SEMA3A: variants seen among roughly 807,000 people sequenced by gnomAD.
The protein encoded by SEMA3A is semaphorin-3A.
In SEMA3A, 29 loss-of-function variants were observed where a neutral mutation model predicts 97.9. That is an observed-to-expected ratio of 0.30 (90% confidence interval 0.22 to 0.40). The LOEUF (loss-of-function observed/expected upper bound fraction) is 0.40, where lower values mean the gene tolerates loss of function less well. Ranked by LOEUF, SEMA3A falls within the 10% of genes least tolerant of loss-of-function variation. SEMA3A has a pLI of 1.00. For synonymous variants in SEMA3A, 321 were observed against 323.7 expected (o/e 0.99, Z 0.09); for missense variants, 763 against 951.3 (o/e 0.80, Z 2.60).
At chr7:84,301,495 A>G (rs1801015825) in intron 3 of SEMA3A, among the ~76,000 whole-genome samples, 1 of 152,150 alleles carries the variant, frequency 6.6e-6, no homozygotes, top group South Asian at 2.1e-4. Flanking sequence ...TATGCTCAAT[A>G]TCATCAGTTA....
At chr7:84,022,686 G>T (rs534323091) in intron 6 of SEMA3A, among the ~76,000 whole-genome samples, 1 of 152,160 alleles carries the variant, frequency 6.6e-6, no homozygotes, top group Non-Finnish European at 1.5e-5. Context: ...AAAAGGAAGT[G>T]GCAATATCCA....
intron 3 of SEMA3A, among the ~76,000 whole-genome samples, chr7:84,295,013 T>C (rs1264365908): frequency 6.6e-6 from 1 of 152,082 alleles, no homozygotes; most frequent in Non-Finnish European, 1.5e-5. Context: ...CAAAAAGTTT[T>C]TAATGTTAAT....
chr7:84,452,270 CA>C (rs147030260), intron 1 of SEMA3A, among the ~76,000 whole-genome samples: 2,364 of 152,036 alleles, frequency 0.016, 66 homozygotes, highest in African/African-American at 0.054. Flanking sequence ...TAAAAATAGC[CA>C]GTACTAAAGT....
intron 3 of SEMA3A, among the ~76,000 whole-genome samples, chr7:84,218,911 C>G (rs1798811826): frequency 6.6e-6 from 1 of 152,068 alleles, no homozygotes; most frequent in East Asian, 1.9e-4. Context: ...AGGATCCCAA[C>G]AGGAAATTGA....
intron 1 of SEMA3A, among the ~76,000 whole-genome samples, chr7:84,413,551 C>T (rs1188882901): frequency 6.6e-6 from 1 of 152,076 alleles, no homozygotes; most frequent in African/African-American, 2.4e-5. Flanking sequence ...CCACCTGATT[C>T]TGGGAAATCG....
At chr7:84,394,298 T>C (rs1462271602) in intron 1 of SEMA3A, among the ~76,000 whole-genome samples, 1 of 152,142 alleles carries the variant, frequency 6.6e-6, no homozygotes. Context: ...TTTTAACTTC[T>C]ATGTGTTGAT....
At chr7:84,241,069 T>A (rs1799350872) in intron 3 of SEMA3A, among the ~76,000 whole-genome samples, 1 of 152,210 alleles carries the variant, frequency 6.6e-6, no homozygotes, top group South Asian at 2.1e-4. Flanking sequence ...TAAACATACA[T>A]GTGCTGGTGC....
At chr7:84,089,276 A>C (rs1407424447) in intron 4 of SEMA3A, among the ~76,000 whole-genome samples, 1 of 152,210 alleles carries the variant, frequency 6.6e-6, no homozygotes, top group Non-Finnish European at 1.5e-5. Context: ...GTATACGCAC[A>C]TATAATGCAA....
chr7:84,183,547 C>CA (rs2116243580), intron 1 of SEMA3A, among the ~76,000 whole-genome samples: 1 of 150,504 alleles, frequency 6.6e-6, no homozygotes, highest in Admixed American at 6.6e-5. Flanking sequence ...CTGCTTTGCC[C>CA]ACTTGTGCTT....
chr7:84,415,869 A>AT, intron 1 of SEMA3A, among the ~76,000 whole-genome samples: 1 of 152,064 alleles, frequency 6.6e-6, no homozygotes, highest in Admixed American at 6.6e-5. Flanking sequence ...AAATATCATA[A>AT]TTGCTACTTG....
intron 1 of SEMA3A, among the ~76,000 whole-genome samples, chr7:84,478,701 G>A (rs1806366080): frequency 1.3e-5 from 2 of 151,558 alleles, no homozygotes; most frequent in Non-Finnish European, 2.9e-5. Context: ...AATCTAAAGT[G>A]TTATGTTTAA....
At chr7:84,087,583 A>T (rs1404846465) in intron 4 of SEMA3A, among the ~76,000 whole-genome samples, 1 of 152,204 alleles carries the variant, frequency 6.6e-6, no homozygotes, top group African/African-American at 2.4e-5. Context: ...ATGAAAATAT[A>T]TGATGCTGAT....
At chr7:84,431,166 A>G (rs990554044) in intron 1 of SEMA3A, among the ~76,000 whole-genome samples, 6 of 152,074 alleles carry the variant, frequency 3.9e-5, no homozygotes, top group Admixed American at 1.3e-4. Context: ...TTCTCCTAAT[A>G]ATCTGGCTGC....
At chr7:83,979,806 A>C (rs1298320589) in intron 14 of SEMA3A, among the ~76,000 whole-genome samples, 1 of 152,202 alleles carries the variant, frequency 6.6e-6, no homozygotes, top group Non-Finnish European at 1.5e-5. Flanking sequence ...AGATGATTTT[A>C]CACTCAGTCA....
chr7:84,369,940 T>C (rs962253885), intron 2 of SEMA3A, among the ~76,000 whole-genome samples: 10 of 150,788 alleles, frequency 6.6e-5, no homozygotes, highest in African/African-American at 1.5e-4. Flanking sequence ...GGACCTGTTA[T>C]TTAAAGGACA....
At chr7:84,148,004 G>C (rs572651938) in intron 1 of SEMA3A, among the ~76,000 whole-genome samples, 2 of 151,930 alleles carry the variant, frequency 1.3e-5, no homozygotes, top group Non-Finnish European at 2.9e-5. Flanking sequence ...CTGCCTCCTG[G>C]GTTCAAGGGA....
At chr7:84,413,711 C>T (rs10226702) in intron 1 of SEMA3A, among the ~76,000 whole-genome samples, 3 of 151,904 alleles carry the variant, frequency 2.0e-5, no homozygotes, top group African/African-American at 7.3e-5. Context: ...ATTGAAATTG[C>T]GTATGTAGAG....
intron 6 of SEMA3A, among the ~76,000 whole-genome samples, chr7:84,032,261 T>A (rs1791788632): frequency 6.6e-6 from 1 of 152,072 alleles, no homozygotes; most frequent in Non-Finnish European, 1.5e-5. Flanking sequence ...AATAAAATAA[T>A]GAGTTAGGGA....
chr7:83,979,826 A>G (rs1422689626), intron 14 of SEMA3A, among the ~76,000 whole-genome samples: 2 of 152,196 alleles, frequency 1.3e-5, no homozygotes, highest in African/African-American at 2.4e-5. Context: ...AATGTTATCT[A>G]AAGTGTGTAA....
Sources: allele counts gnomAD v4.1 joint callset (sites outside exome capture counted in the v4.1 genomes callset), GRCh38; gene constraint gnomAD v4.1.1; transcripts MANE v1.5; gene names NCBI Gene and HGNC (gene_info 2026-07-23, HGNC 2026-07-21).